UBASH3B: variants seen among roughly 807,000 people sequenced by gnomAD.
UBASH3B encodes the protein ubiquitin-associated and SH3 domain-containing protein B.
A neutral mutation model predicts 83.4 loss-of-function variants in UBASH3B; 37 were observed. That is an observed-to-expected ratio of 0.44 (90% confidence interval 0.34 to 0.58). The LOEUF (loss-of-function observed/expected upper bound fraction) is 0.58, where lower values mean the gene tolerates loss of function less well. UBASH3B is among the 20% of genes least tolerant of loss of function. UBASH3B has a pLI of 0.01. For missense variants in UBASH3B, 657 were observed against 827.2 expected (o/e 0.79, Z 2.52); for synonymous variants, 304 against 318.3 (o/e 0.96, Z 0.48).
chr11:122,722,207 G>T lies in UBASH3B; in HGVS notation c.162-54012G>T, dbSNP rs181184352. 2.0e-5 allele frequency among the ~76,000 whole-genome samples: 3 copies of T among 152,300 alleles called. No individual in the cohort carries two copies. In the East Asian group the frequency reaches 5.8e-4, roughly 29 times the overall value. On this transcript the variant is annotated intron_variant, in intron 1 of 13. Coordinates refer to ENST00000284273, the MANE Select transcript of UBASH3B (RefSeq NM_032873.5). Reference sequence around the variant, plus strand: ...GACCAGCTGAAGGCTGCCCTTGGTGGATGGCCCAGTGGGACCTAGAGCTCC... The same window carrying T: ...GACCAGCTGAAGGCTGCCCTTGGTGTATGGCCCAGTGGGACCTAGAGCTCC...
At position 122,809,969 on chromosome 11, in the gene UBASH3B, A is replaced by G; in HGVS notation, c.*83A>G. ...AAAACAGTGGGAAAATCCACACCACACTCTAAGTGGACAGCTCAGAATAAT... is the reference window on the plus strand; with the variant it reads ...AAAACAGTGGGAAAATCCACACCACGCTCTAAGTGGACAGCTCAGAATAAT... On this transcript the variant is annotated 3_prime_UTR_variant, in exon 14 of 14. Transcript: ENST00000284273. 1.3e-6 allele frequency: 2 copies of G among 1,491,858 alleles called. No individual in the cohort carries two copies. Among genetic ancestry groups the G allele is most frequent in the Non-Finnish European group, 1.8e-6 (2 of 1,094,258 alleles). 92.4% of individuals were successfully genotyped at this position (1,491,858 alleles called of 1,614,324 possible).
Position 122,797,866 on chromosome 11 carries a change from C to G in UBASH3B, c.1357+833C>G, listed in dbSNP as rs11218819. On this transcript the variant is annotated intron_variant, in intron 9 of 13. Coordinates refer to ENST00000284273, the MANE Select transcript of UBASH3B (RefSeq NM_032873.5). The stretch of plus-strand genomic sequence containing the variant: ...CAGGAATGCAGGGGAAACAAAGTGT[C>G]TTGTGTCTAGAGTATAAATTGTGAG... Among the ~76,000 whole-genome samples the G allele has an allele frequency of 4.8e-3, 736 of 152,190 alleles. 58 individuals are homozygous for G. The East Asian group carries it at 0.13, about 26-fold the overall frequency.
At chr11:122,656,518 A>G (rs1424659763) in intron 1 of UBASH3B, among the ~76,000 whole-genome samples, 1 of 152,018 alleles carries the variant, frequency 6.6e-6, no homozygotes, top group African/African-American at 2.4e-5. Flanking sequence ...GGTGGAGCTC[A>G]GCGTTTCTCT....
chr11:122,778,590 A>ATTTTTTT (rs138539169), intron 3 of UBASH3B, among the ~76,000 whole-genome samples: 7 of 118,074 alleles, frequency 5.9e-5, no homozygotes, highest in East Asian at 2.4e-4. Flanking sequence ...GAGAACTTTG[A>ATTTTTTT]TTTTTTTTTT....
chr11:122,804,178 G>A (rs1861300808), intron 11 of UBASH3B, among the ~76,000 whole-genome samples: 1 of 152,126 alleles, frequency 6.6e-6, no homozygotes, highest in South Asian at 2.1e-4. Flanking sequence ...GGGCCTGGGA[G>A]ATGAGGTGAC....
At chr11:122,764,036 C>T (rs1400394707) in intron 1 of UBASH3B, among the ~76,000 whole-genome samples, 1 of 151,960 alleles carries the variant, frequency 6.6e-6, no homozygotes, top group African/African-American at 2.4e-5. Flanking sequence ...AAAGAGTGAC[C>T]AACTCTATCG....
intron 3 of UBASH3B, among the ~76,000 whole-genome samples, chr11:122,778,006 A>C (rs946536082): frequency 2.6e-5 from 4 of 152,122 alleles, no homozygotes; most frequent in Admixed American, 2.6e-4. Context: ...CTGGGATTAT[A>C]GGCATGAGCC....
Position 122,768,470 on chromosome 11 carries a change from A to ATGTG in UBASH3B, c.162-7713_162-7710dup, listed in dbSNP as rs568912747. Among the ~76,000 whole-genome samples, 972 of 140,118 alleles carry ATGTG rather than the reference A, an allele frequency of 6.9e-3. 4 individuals carry two copies. The highest frequency in any genetic ancestry group is 0.02 in the African/African-American group (721 of 36,722). The allele number at this position is 140,118 out of a possible 152,430, so 91.9% of individuals were successfully genotyped here. A position where few individuals can be genotyped will look rare whatever the true frequency, so the allele number is the denominator to read the frequency against. ...AAGAAAAAGATAGAGATATATATGT[A>ATGTG]TGTGTGTGTGTGTGTGTGTGTGTGT... On this transcript the variant is annotated intron_variant, in intron 1 of 13. Coordinates refer to ENST00000284273, the MANE Select transcript of UBASH3B (RefSeq NM_032873.5).
At chr11:122,692,503 G>A (rs1195111023) in intron 1 of UBASH3B, among the ~76,000 whole-genome samples, 1 of 152,188 alleles carries the variant, frequency 6.6e-6, no homozygotes, top group Non-Finnish European at 1.5e-5. Context: ...ACACCCTACA[G>A]TAAAGGTGAT....
chr11:122,710,426 G>A (rs891142616), intron 1 of UBASH3B, among the ~76,000 whole-genome samples: 2 of 152,118 alleles, frequency 1.3e-5, no homozygotes, highest in African/African-American at 4.8e-5. Flanking sequence ...TTATCTCTGT[G>A]TCATCACAAC....
intron 1 of UBASH3B, among the ~76,000 whole-genome samples, chr11:122,730,446 A>G (rs1860823348): frequency 6.6e-6 from 1 of 152,096 alleles, no homozygotes; most frequent in South Asian, 2.1e-4. Context: ...TTGCCAGACC[A>G]TCTCTGTTTC....
chr11:122,755,309 C>T (rs755160416), intron 1 of UBASH3B, among the ~76,000 whole-genome samples: 4 of 152,152 alleles, frequency 2.6e-5, no homozygotes, highest in African/African-American at 4.8e-5. Flanking sequence ...TTTCCCACCT[C>T]GCCCATGCAG....
At chr11:122,742,929 C>T (rs1291116570) in intron 1 of UBASH3B, among the ~76,000 whole-genome samples, 1 of 152,186 alleles carries the variant, frequency 6.6e-6, no homozygotes, top group Non-Finnish European at 1.5e-5. Context: ...TGAGCTTGAG[C>T]CTGGCCGGCT....
chr11:122,744,895 G>GTT (rs71469940), intron 1 of UBASH3B, among the ~76,000 whole-genome samples: 3 of 116,834 alleles, frequency 2.6e-5, no homozygotes, highest in Non-Finnish European at 6.3e-5. Flanking sequence ...GTGTGTGTGT[G>GTT]TGTGCGCGCG....
chr11:122,779,601 G>A lies in UBASH3B; in HGVS notation c.507G>A (p.Ser169=), dbSNP rs140669282. 159 of 1,614,162 alleles carry A rather than the reference G, an allele frequency of 9.9e-5. No individual in the cohort carries two copies. The East Asian group carries it at 2.6e-3, about 26-fold the overall frequency. Residue 169 remains serine, a synonymous_variant, in exon 4 of 14, where the codon TCG becomes TCA. Transcript: ENST00000284273. ...SAPLPLELYT[S]SNFIGLFVKE... ...CGCTGCCCCTGGAGCTCTATACGTC[G>A]TCCAACTTCATCGGCCTCTTTGTAA...
intron 1 of UBASH3B, among the ~76,000 whole-genome samples, chr11:122,772,614 A>G (rs1860664689): frequency 6.6e-6 from 1 of 152,142 alleles, no homozygotes; most frequent in African/African-American, 2.4e-5. Context: ...GTCATGAGAG[A>G]TATCTCTGTG....
chr11:122,667,708 T>G (rs1425128116), intron 1 of UBASH3B, among the ~76,000 whole-genome samples: 1 of 152,140 alleles, frequency 6.6e-6, no homozygotes, highest in Non-Finnish European at 1.5e-5. Context: ...AATTTAATAT[T>G]ATGCCTCAGG....
chr11:122,705,455 A>T (rs78939891), intron 1 of UBASH3B, among the ~76,000 whole-genome samples: 5 of 133,768 alleles, frequency 3.7e-5, no homozygotes, highest in African/African-American at 1.4e-4. Context: ...CGAAAAACAT[A>T]AAAAAAAAAA....
intron 1 of UBASH3B, among the ~76,000 whole-genome samples, chr11:122,761,462 C>T (rs962428285): frequency 6.6e-6 from 1 of 152,056 alleles, no homozygotes; most frequent in South Asian, 2.1e-4. Flanking sequence ...GAGTGAGACA[C>T]CAACTCCAAA....
Sources: allele counts gnomAD v4.1 joint callset (sites outside exome capture counted in the v4.1 genomes callset), GRCh38; gene constraint gnomAD v4.1.1; transcripts MANE v1.5; gene names NCBI Gene and HGNC (gene_info 2026-07-23, HGNC 2026-07-21).